DOCK8: variants seen among roughly 807,000 people sequenced by gnomAD.
DOCK8 encodes the protein dedicator of cytokinesis 8.
A neutral mutation model predicts 245.6 loss-of-function variants in DOCK8; 141 were observed. The observed-to-expected ratio is 0.57, with a 90% CI of 0.50 to 0.66. The LOEUF is 0.66. Among genes scored for constraint, DOCK8 ranks in the 30% least tolerant of loss-of-function variants. The pLI, the probability that DOCK8 is intolerant of heterozygous loss-of-function variation, is 0.00. For synonymous variants in DOCK8, 1,168 were observed against 970.2 expected (o/e 1.20, Z -3.79); for missense variants, 2,965 against 2,603.4 (o/e 1.14, Z -3.02).
At position 328,165 on chromosome 9, in the gene DOCK8, A is replaced by G. The variant is rs1458912513; in HGVS notation, c.1038A>G (p.Val346=). The change falls in exon 9 of 48, where the codon GTA becomes GTG. Residue 346 remains valine (V), a synonymous_variant. Coordinates refer to ENST00000432829, the MANE Select transcript of DOCK8 (RefSeq NM_203447.4). The part of the protein sequence containing the change: ...VTYPSSDIYL[V]VKIEKVLQQG... ...ACCCGTCCTCAGACATCTACCTGGT[A>G]GTCAAGGTAATTCAGTACGATCTGA... is the stretch of plus-strand genomic sequence containing the variant. The G allele has an allele frequency of 6.2e-7, 1 of 1,613,654 alleles. No homozygotes were observed. Among genetic ancestry groups the G allele is most frequent in the Non-Finnish European group, 8.5e-7 (1 of 1,179,834 alleles).
chr9:399,028 C>G, intron 25 of DOCK8, 118 bp from the exon 26 acceptor site: 3 of 914,320 alleles, frequency 3.3e-6, no homozygotes, highest in Non-Finnish European at 5.2e-6. Flanking sequence ...CCAGTGCCAC[C>G]CAGAAGGACA....
intron 26 of DOCK8, among the ~76,000 whole-genome samples, chr9:399,916 T>C (rs2054667161): frequency 6.6e-6 from 1 of 151,300 alleles, no homozygotes; most frequent in African/African-American, 2.4e-5. Flanking sequence ...TTACTGCTAC[T>C]ACTACCACCA....
upstream of DOCK8, chr9:214,732 C>A: frequency 6.6e-7 from 1 of 1,516,726 alleles, no homozygotes; most frequent in African/African-American, 1.4e-5. Flanking sequence ...GCTGGGCCCA[C>A]GCCCTCCTCG....
In DOCK8 at chr9:446,528, C is replaced by T. The variant is rs1284524724; in HGVS notation, c.5739C>T (p.Tyr1913=). The change falls in exon 44 of 48, where the codon TAC becomes TAT. Residue 1913 remains tyrosine (Y), a synonymous_variant. Coordinates refer to ENST00000432829, the MANE Select transcript of DOCK8 (RefSeq NM_203447.4). ...CTCGGGGAGAGCTGCATGAGCAGTACAGAAGGAACACAGTCCTGACCACTA... is the reference window on the plus strand; with the variant it reads ...CTCGGGGAGAGCTGCATGAGCAGTATAGAAGGAACACAGTCCTGACCACTA... ...GRPRGELHEQ[Y]RRNTVLTTMH... is the part of the protein sequence containing the mutation. 2 of 1,614,216 alleles carry T rather than the reference C, an allele frequency of 1.2e-6. No individual in the cohort carries two copies. Among genetic ancestry groups the T allele is most frequent in the Admixed American group, 1.7e-5 (1 of 60,028 alleles).
intron 46 of DOCK8, among the ~76,000 whole-genome samples, chr9:457,430 A>T (rs2057673823): frequency 6.6e-6 from 1 of 152,250 alleles, no homozygotes; most frequent in African/African-American, 2.4e-5. Context: ...AGGGATCAGT[A>T]AGTGTAACAT....
At chr9:211,886 C>T (rs2046625165), upstream of DOCK8, among the ~76,000 whole-genome samples, 1 of 151,986 alleles carries the variant, frequency 6.6e-6, no homozygotes, top group Non-Finnish European at 1.5e-5. Context: ...TAGTGTGCCA[C>T]CACCGACCCC....
At chr9:281,292 T>G (rs2048572585) in intron 2 of DOCK8, among the ~76,000 whole-genome samples, 1 of 152,228 alleles carries the variant, frequency 6.6e-6, no homozygotes, top group Non-Finnish European at 1.5e-5. Context: ...TGATTTTTTC[T>G]TATGTTATTA....
intron 46 of DOCK8, among the ~76,000 whole-genome samples, chr9:463,054 C>G (rs1200052122): frequency 6.6e-6 from 1 of 152,170 alleles, no homozygotes; most frequent in Non-Finnish European, 1.5e-5. Flanking sequence ...GTTCTCAATT[C>G]TGGCTAGGTT....
intron 1 of DOCK8, among the ~76,000 whole-genome samples, chr9:262,179 T>C (rs2047934239): frequency 6.6e-6 from 1 of 152,010 alleles, no homozygotes; most frequent in African/African-American, 2.4e-5. Context: ...AAAAACACAA[T>C]GAGATACCAC....
At chr9:312,275 C>G in intron 6 of DOCK8, 109 bp downstream of exon 6, 2 of 1,309,826 alleles carry the variant, frequency 1.5e-6, no homozygotes, top group Non-Finnish European at 2.2e-6. Flanking sequence ...TGTCAGGGCT[C>G]ACTTGTATGA....
intron 5 of DOCK8, among the ~76,000 whole-genome samples, chr9:305,499 A>G (rs1420860115): frequency 6.6e-6 from 1 of 152,074 alleles, no homozygotes; most frequent in African/African-American, 2.4e-5. Context: ...GTTAGTCAGG[A>G]TGGTCCTGAT....
At chr9:233,406 G>C (rs369522060) in intron 1 of DOCK8, among the ~76,000 whole-genome samples, 1 of 152,120 alleles carries the variant, frequency 6.6e-6, no homozygotes, top group African/African-American at 2.4e-5. Context: ...GTAGATGTCT[G>C]TTAGGTCTGC....
intron 22 of DOCK8, among the ~76,000 whole-genome samples, chr9:384,870 C>G (rs149024372): frequency 6.6e-6 from 1 of 152,042 alleles, no homozygotes; most frequent in Admixed American, 6.6e-5. Flanking sequence ...AAGCCAAGAT[C>G]GTGCCACCGC....
At chr9:258,144 G>A (rs494668) in intron 1 of DOCK8, among the ~76,000 whole-genome samples, 73,604 of 152,054 alleles carry the variant, frequency 0.48, 18,229 homozygotes, top group East Asian at 0.8. Context: ...AGGAAGTTAG[G>A]ACTGCTCCAT....
chr9:304,625 C>G lies in DOCK8; in HGVS notation c.449C>G (p.Ser150Cys). 6.2e-7 allele frequency: 1 copy of G among 1,614,178 alleles called. No homozygotes were observed. The highest frequency in any genetic ancestry group is 1.3e-5 in the African/African-American group (1 of 75,046). ...PEICGFKKTG[S>C]RKDFHKTLPK... The stretch of plus-strand genomic sequence containing the variant: ...ATCTGTGGCTTTAAAAAGACTGGAT[C>G]TCGAAAAGATTTTCACAAGACGCTT... Residue 150 changes from serine to cysteine, a missense_variant, in exon 5 of 48, where the codon TCT becomes TGT. Physicochemically the swap from Ser to Cys is moderately radical, Grantham distance 112. This residue lies in a region of DOCK8 where 2,825 missense variants were observed against 2,453.5 expected (regional missense o/e 1.15). Transcript: ENST00000432829.
At chr9:243,536 A>T (rs534193993) in intron 1 of DOCK8, among the ~76,000 whole-genome samples, 1 of 152,292 alleles carries the variant, frequency 6.6e-6, no homozygotes, top group East Asian at 1.9e-4. Flanking sequence ...AAGAAGAAAG[A>T]TCAGATTAGT....
chr9:381,195 C>G (rs578027831), intron 21 of DOCK8: 1 of 152,194 alleles, frequency 6.6e-6, no homozygotes, highest in East Asian at 1.9e-4. Flanking sequence ...TTATGTGTTT[C>G]TTTATAGATC....
chr9:323,385 G>A (rs1465907271), intron 7 of DOCK8, among the ~76,000 whole-genome samples: 2 of 151,566 alleles, frequency 1.3e-5, no homozygotes, highest in Non-Finnish European at 2.9e-5. Flanking sequence ...CACCACGCTC[G>A]GCCAGTTTTT....
At chr9:235,922 T>C (rs547820189) in intron 1 of DOCK8, among the ~76,000 whole-genome samples, 60 of 152,344 alleles carry the variant, frequency 3.9e-4, no homozygotes, top group African/African-American at 1.4e-3. Flanking sequence ...GTACCTACTG[T>C]CTGGCACTCC....
Sources: gnomAD v4.1 joint callset for allele counts (sites outside exome capture counted in the v4.1 genomes callset) on GRCh38, gnomAD v4.1.1 for gene constraint, gnomAD v4.1.1 regional missense constraint, MANE v1.5 for transcripts, NCBI Gene and HGNC (gene_info 2026-07-23, HGNC 2026-07-21) for gene names.